PITPNM2: variants seen among roughly 807,000 people sequenced by gnomAD.
PITPNM2 encodes the protein membrane-associated phosphatidylinositol transfer protein 2.
PITPNM2 carries 35 observed loss-of-function variants against 132.2 expected under a neutral mutation model. That is an observed-to-expected ratio of 0.26 (90% CI 0.20 to 0.35). PITPNM2 has a LOEUF of 0.35. Among genes scored for constraint, PITPNM2 ranks in the 10% least tolerant of loss-of-function variants. The pLI, the probability that PITPNM2 is intolerant of heterozygous loss-of-function variation, is 1.00. For missense variants in PITPNM2, 1,332 were observed against 1,912.0 expected, an observed-to-expected ratio of 0.70 and a Z score of 5.66; for synonymous variants, 738 against 799.2, an observed-to-expected ratio of 0.92 and a Z score of 1.29.
chr12:123,088,412 T>G (rs532134473), intron 2 of PITPNM2: 1 of 152,254 alleles, frequency 6.6e-6, no homozygotes, highest in South Asian at 2.1e-4. Flanking sequence ...AGGAATTTCA[T>G]TTGGCTCACT....
At chr12:123,028,537 C>G (rs1254943755) in intron 3 of PITPNM2, among the ~76,000 whole-genome samples, 2 of 152,232 alleles carry the variant, frequency 1.3e-5, no homozygotes, top group Non-Finnish European at 2.9e-5. Context: ...AATCTATCTT[C>G]CCAGAGAACG....
Position 123,005,295 on chromosome 12 carries a change from G to A in PITPNM2, c.897C>T (p.Gly299=). 6 of 1,613,976 alleles carry A rather than the reference G, an allele frequency of 3.7e-6. No homozygotes were observed. The South Asian group carries it at 4.4e-5, about 12-fold the overall frequency. ...SSNGEPLVGR[G]LKKQWSTSSK... is the part of the protein sequence containing the mutation. Reference sequence around the variant, plus strand: ...AGGATGTGGACCACTGTTTCTTGAGGCCGCGCCCCACTAGGGGCTCCCCAT... The same window carrying A: ...AGGATGTGGACCACTGTTTCTTGAGACCGCGCCCCACTAGGGGCTCCCCAT... Residue 299 remains glycine (G), a synonymous_variant, in exon 7 of 26, where the codon GGC becomes GGT. Transcript: ENST00000320201. The surrounding 1 kb of genome is among the most constrained non-coding windows in gnomAD (Gnocchi z 6.2).
intron 1 of PITPNM2, among the ~76,000 whole-genome samples, chr12:123,113,019 A>G (rs991234179): frequency 3.9e-5 from 6 of 152,232 alleles, no homozygotes; most frequent in African/African-American, 1.4e-4. Context: ...GTTTCTCTAT[A>G]TGATTCCTAT....
At chr12:123,084,898 A>T (rs563749198) in intron 2 of PITPNM2, among the ~76,000 whole-genome samples, 10 of 152,338 alleles carry the variant, frequency 6.6e-5, no homozygotes, top group Admixed American at 5.9e-4. Context: ...TTTAATAAAT[A>T]AAAAAGTCAT....
rs2041840056 is a variant in PITPNM2 at position 123,077,880 on chromosome 12, G to A, written c.-96+32505C>T. On this transcript the variant is annotated intron_variant, in intron 2 of 25. Transcript: ENST00000320201. The surrounding 1 kb of genome is among the most constrained non-coding windows in gnomAD (Gnocchi z 4.8). ...GCACCACAGGAGCCAGGCTGGGGTCGCGCAGCAGCCTCCCATCCCTGCAGA... is the reference window on the plus strand; with the variant it reads ...GCACCACAGGAGCCAGGCTGGGGTCACGCAGCAGCCTCCCATCCCTGCAGA... Among the ~76,000 whole-genome samples, 1 of 152,196 alleles carries A rather than the reference G, an allele frequency of 6.6e-6. No homozygotes were observed.
intron 2 of PITPNM2, 63 bp downstream of exon 2, chr12:123,110,322 G>A (rs2042810733): frequency 6.6e-6 from 1 of 152,310 alleles, no homozygotes; most frequent in Non-Finnish European, 1.5e-5. Flanking sequence ...CCAAAGGCCA[G>A]GGTGGCCTGC....
intron 1 of PITPNM2, among the ~76,000 whole-genome samples, chr12:123,110,948 AG>A (rs1386068115): frequency 1.3e-5 from 2 of 152,228 alleles, no homozygotes; most frequent in Non-Finnish European, 2.9e-5. Context: ...ATGCCGGGAC[AG>A]GGGCATGGTC....
At chr12:123,135,142 T>C (rs905620857) in intron 1 of PITPNM2, among the ~76,000 whole-genome samples, 11 of 152,110 alleles carry the variant, frequency 7.2e-5, no homozygotes, top group African/African-American at 2.7e-4. Context: ...GAATTAAATG[T>C]GGCCACACCC....
In PITPNM2 at chr12:122,987,633, C is replaced by T. The variant is rs757768532; in HGVS notation, c.3141G>A (p.Pro1047=). ...CCAGGTAGAGCCACTCGCCTGAGGGCGGCTGGGTCATGATGTGCACATCCA... is the reference window on the plus strand; with the variant it reads ...CCAGGTAGAGCCACTCGCCTGAGGGTGGCTGGGTCATGATGTGCACATCCA... ...EKVDVHIMTQ[P]PSGEWLYLDT... is the part of the protein sequence containing the mutation. The change falls in exon 22 of 26, where the codon CCG becomes CCA. Residue 1047 remains proline, a synonymous_variant. Coordinates refer to ENST00000320201, the MANE Select transcript of PITPNM2 (RefSeq NM_020845.3). 25 of 1,613,316 alleles carry T rather than the reference C, an allele frequency of 1.5e-5. No homozygotes were observed. The highest frequency in any genetic ancestry group is 2.0e-5 in the Non-Finnish European group (24 of 1,179,766).
chr12:123,149,457 A>T (rs1016198710), intron 1 of PITPNM2, among the ~76,000 whole-genome samples: 4 of 152,190 alleles, frequency 2.6e-5, no homozygotes, highest in African/African-American at 4.8e-5. Flanking sequence ...ATGGAAGGAA[A>T]GTAATTTAAC....
At chr12:123,038,516 G>A (rs996453808) in intron 2 of PITPNM2, among the ~76,000 whole-genome samples, 1 of 152,228 alleles carries the variant, frequency 6.6e-6, no homozygotes, top group African/African-American at 2.4e-5. Context: ...ATGAAAACAA[G>A]ATAAGTTGCT....
At chr12:123,090,783 T>A (rs963338722) in intron 2 of PITPNM2, 3 of 152,294 alleles carry the variant, frequency 2.0e-5, no homozygotes, top group African/African-American at 7.2e-5. Context: ...GGGGTATGAC[T>A]ATGGGGATGG....
intron 3 of PITPNM2, among the ~76,000 whole-genome samples, chr12:123,017,456 C>A (rs527302306): frequency 6.6e-6 from 1 of 152,224 alleles, no homozygotes; most frequent in East Asian, 1.9e-4. Context: ...TGGGTATGCA[C>A]CCAAAATAAC....
rs2040273210 is a variant in PITPNM2, at chr12:123,036,500, A to AT, written c.-95-1816dup. ...CAAGCTCAAGACCAGCCTGGGAAACATAGCAAGACCCTCCTCTCTATTAAA... is the reference window on the plus strand; with the variant it reads ...CAAGCTCAAGACCAGCCTGGGAAACATTAGCAAGACCCTCCTCTCTATTAAA... On this transcript the variant is annotated intron_variant, in intron 2 of 25. Coordinates refer to ENST00000320201, the MANE Select transcript of PITPNM2 (RefSeq NM_020845.3). The surrounding 1 kb of genome is among the most constrained non-coding windows in gnomAD (Gnocchi z 4.1). Among the ~76,000 whole-genome samples the AT allele has an allele frequency of 6.6e-6, 1 of 152,216 alleles. No individual in the cohort carries two copies. Among genetic ancestry groups the AT allele is most frequent in the South Asian group, 2.1e-4 (1 of 4,836 alleles).
intron 3 of PITPNM2, among the ~76,000 whole-genome samples, chr12:123,019,975 G>A (rs1202570757): frequency 6.6e-6 from 1 of 152,226 alleles, no homozygotes; most frequent in East Asian, 1.9e-4. Flanking sequence ...CAGAGCTGAA[G>A]GTCTGTGTCT....
rs111928718 is a variant in PITPNM2 at position 122,997,428 on chromosome 12, C to A, written c.1369G>T (p.Asp457Tyr). The A allele has an allele frequency of 6.2e-7, 1 of 1,613,440 alleles. No individual in the cohort carries two copies. The highest frequency in any genetic ancestry group is 2.2e-5 in the East Asian group (1 of 44,892). ...GDANTIANVF[D>Y]TVMRVHYPSA... Reference sequence around the variant, plus strand: ...GGGTAGTGCACGCGCATGACGGTGTCGAACACGTTGGCGATGGTGTTAGCA... The same window carrying A: ...GGGTAGTGCACGCGCATGACGGTGTAGAACACGTTGGCGATGGTGTTAGCA... Residue 457 changes from aspartate (D) to tyrosine (Y), a missense_variant, in exon 11 of 26, where the codon GAC (aspartate) becomes TAC (tyrosine). Physicochemically the swap from Asp to Tyr is radical, Grantham distance 160. Around this residue, in one of 6 missense-constraint regions of PITPNM2, gnomAD observed 710 missense variants for 911.5 expected, o/e 0.78. Transcript: ENST00000320201.
chr12:123,100,684 A>C (rs2042543568), intron 2 of PITPNM2, among the ~76,000 whole-genome samples: 1 of 152,214 alleles, frequency 6.6e-6, no homozygotes, highest in Non-Finnish European at 1.5e-5. Flanking sequence ...TGAACCATGA[A>C]AACATGATGC....
chr12:123,020,609 G>A (rs988059683), intron 3 of PITPNM2, among the ~76,000 whole-genome samples: 4 of 152,124 alleles, frequency 2.6e-5, no homozygotes, highest in East Asian at 3.8e-4. Flanking sequence ...CCCCAGCTCC[G>A]GGAGCAGCAG....
At chr12:122,987,973 C>T in intron 20 of PITPNM2, 72 bp from the exon 21 acceptor site, 3 of 1,367,856 alleles carry the variant, frequency 2.2e-6, no homozygotes, top group South Asian at 2.6e-5. Context: ...TGCTCAAGCT[C>T]TGTGGGCCTG....
Sources: allele counts gnomAD v4.1 joint callset (sites outside exome capture counted in the v4.1 genomes callset), GRCh38; gene constraint gnomAD v4.1.1; regional missense constraint gnomAD v4.1.1; non-coding constraint Gnocchi (gnomAD v3.1); transcripts MANE v1.5; gene names NCBI Gene and HGNC (gene_info 2026-07-23, HGNC 2026-07-21).